Variants in CNTN5 observed in about 807,000 individuals in gnomAD.
CNTN5 encodes the protein contactin-5.
Under a neutral mutation model 129.1 loss-of-function variants are expected in CNTN5, and 77 were observed. That is an observed-to-expected ratio of 0.60 (90% CI 0.50 to 0.72). The LOEUF (loss-of-function observed/expected upper bound fraction) is 0.72, where lower values mean the gene tolerates loss of function less well. Among genes scored for constraint, CNTN5 ranks in the 30% least tolerant of loss-of-function variants. The pLI is 0.00. For synonymous variants in CNTN5, 509 were observed against 465.6 expected (o/e 1.09, Z -1.20); for missense variants, 1,478 against 1,328.8 (o/e 1.11, Z -1.75).
intron 2 of CNTN5, among the ~76,000 whole-genome samples, chr11:99,439,483 G>A (rs1476276391): frequency 2.0e-5 from 3 of 151,816 alleles, no homozygotes; most frequent in Non-Finnish European, 1.5e-5. Flanking sequence ...TGAGGTGGCC[G>A]GATCACCTGA....
intron 12 of CNTN5, among the ~76,000 whole-genome samples, chr11:100,073,655 T>C (rs1944016441): frequency 6.6e-6 from 1 of 151,944 alleles, no homozygotes; most frequent in Non-Finnish European, 1.5e-5. Flanking sequence ...AATTCAATTT[T>C]AAAAATTAAT....
intron 2 of CNTN5, among the ~76,000 whole-genome samples, chr11:99,401,407 C>T (rs1941799560): frequency 6.6e-6 from 1 of 151,954 alleles, no homozygotes; most frequent in African/African-American, 2.4e-5. Context: ...TGGATTTGTT[C>T]ATGGGTTCTC....
intron 13 of CNTN5, among the ~76,000 whole-genome samples, chr11:100,176,208 C>T (rs770518994): frequency 6.7e-5 from 10 of 150,264 alleles, no homozygotes; most frequent in East Asian, 2.0e-4. Flanking sequence ...TTAGTAGAGA[C>T]GGGGTTTTAC....
intron 4 of CNTN5, among the ~76,000 whole-genome samples, chr11:99,821,783 G>C (rs138053381): frequency 6.6e-6 from 1 of 152,054 alleles, no homozygotes; most frequent in African/African-American, 2.4e-5. Flanking sequence ...CTTACAAAAA[G>C]CTCCCAGGTG....
At chr11:100,104,239 T>C (rs972511231) in intron 13 of CNTN5, among the ~76,000 whole-genome samples, 5 of 151,800 alleles carry the variant, frequency 3.3e-5, no homozygotes, top group Non-Finnish European at 5.9e-5. Context: ...GGATTACAGG[T>C]ACCCACCACC....
intron 1 of CNTN5, among the ~76,000 whole-genome samples, chr11:99,171,823 T>C (rs1158985549): frequency 6.6e-6 from 1 of 152,138 alleles, no homozygotes; most frequent in East Asian, 1.9e-4. Flanking sequence ...AATTACAATA[T>C]ATTGGCACTT....
rs767531127 is a variant in CNTN5 at position 100,358,451 on chromosome 11, A to G, written c.*2231A>G. 58 of 151,938 alleles carry G rather than the reference A, an allele frequency of 3.8e-4. No individual in the cohort carries two copies. Among genetic ancestry groups the G allele is most frequent in the Non-Finnish European group, 6.5e-4 (44 of 67,840 alleles). 9.4% of individuals were successfully genotyped at this position (151,938 alleles called of 1,614,324 possible). On this transcript the variant is annotated 3_prime_UTR_variant, in exon 25 of 25. Coordinates refer to ENST00000524871, the MANE Select transcript of CNTN5 (RefSeq NM_014361.4). Reference sequence around the variant, plus strand: ...ATACACAGAATATGTATTTTGCATCATAAACCTATTTAAAAAACAGGTTTT... The same window carrying G: ...ATACACAGAATATGTATTTTGCATCGTAAACCTATTTAAAAAACAGGTTTT...
intron 1 of CNTN5, among the ~76,000 whole-genome samples, chr11:99,125,500 C>A (rs1452367313): frequency 2.0e-5 from 3 of 152,076 alleles, no homozygotes; most frequent in African/African-American, 7.2e-5. Context: ...CAGGATCATA[C>A]TGAATGGGTA....
chr11:99,864,301 A>T (rs1428095245), intron 6 of CNTN5, among the ~76,000 whole-genome samples: 1 of 141,226 alleles, frequency 7.1e-6, no homozygotes, highest in Non-Finnish European at 1.6e-5. Context: ...ACTAACAGTA[A>T]TACTAACAGA....
At chr11:99,661,690 T>G (rs1952598577) in intron 3 of CNTN5, among the ~76,000 whole-genome samples, 1 of 152,080 alleles carries the variant, frequency 6.6e-6, no homozygotes, top group South Asian at 2.1e-4. Flanking sequence ...TACACACATA[T>G]ATACATATAC....
intron 21 of CNTN5, among the ~76,000 whole-genome samples, chr11:100,333,067 T>G (rs1287471452): frequency 6.6e-6 from 1 of 152,062 alleles, no homozygotes; most frequent in Non-Finnish European, 1.5e-5. Flanking sequence ...AACGGATAAA[T>G]GAATTCATCA....
intron 13 of CNTN5, among the ~76,000 whole-genome samples, chr11:100,100,723 G>A (rs1273228189): frequency 3.9e-5 from 6 of 152,078 alleles, no homozygotes; most frequent in African/African-American, 1.4e-4. Flanking sequence ...CGTATTACCT[G>A]TGTCATAGCT....
In CNTN5 at chr11:100,340,856, C is replaced by A. The variant is rs376873206; in HGVS notation, c.2917+207C>A. ...AAGGTTATCTTCCTGTGAAACAAGGCTAAGCGATTTTGACACAGAAGGGAG... is the reference window on the plus strand; with the variant it reads ...AAGGTTATCTTCCTGTGAAACAAGGATAAGCGATTTTGACACAGAAGGGAG... On this transcript the variant is annotated intron_variant, in intron 22 of 24. Transcript: ENST00000524871. Among the ~76,000 whole-genome samples the A allele has an allele frequency of 3.9e-5, 6 of 152,260 alleles. No homozygotes were observed. The East Asian group carries it at 7.7e-4, about 20-fold the overall frequency.
At chr11:100,049,339 A>G (rs571919315) in intron 9 of CNTN5, among the ~76,000 whole-genome samples, 25 of 152,234 alleles carry the variant, frequency 1.6e-4, no homozygotes, top group African/African-American at 6.0e-4. Context: ...TCATATCGCA[A>G]ACTTTAAAAT....
chr11:99,330,220 G>A (rs1459204108), intron 2 of CNTN5, among the ~76,000 whole-genome samples: 1 of 149,852 alleles, frequency 6.7e-6, no homozygotes, highest in Non-Finnish European at 1.5e-5. Context: ...AAAGGGAGAA[G>A]GAAGGGAAGG....
At chr11:100,056,001 A>T (rs1041351625) in intron 9 of CNTN5, among the ~76,000 whole-genome samples, 15 of 151,618 alleles carry the variant, frequency 9.9e-5, no homozygotes, top group Admixed American at 7.9e-4. Context: ...CTCATTCTGT[A>T]TATGAAGCTG....
chr11:99,395,763 C>G (rs563884596), intron 2 of CNTN5, among the ~76,000 whole-genome samples: 1 of 151,956 alleles, frequency 6.6e-6, no homozygotes, highest in Non-Finnish European at 1.5e-5. Flanking sequence ...CTGCATATGA[C>G]TAGTCAGTTA....
At chr11:99,495,874 G>A (rs937191359) in intron 2 of CNTN5, among the ~76,000 whole-genome samples, 1 of 152,186 alleles carries the variant, frequency 6.6e-6, no homozygotes, top group African/African-American at 2.4e-5. Context: ...ATATAATATG[G>A]TGACTGGGTT....
At chr11:99,290,242 G>T (rs1864113073) in intron 1 of CNTN5, among the ~76,000 whole-genome samples, 1 of 151,798 alleles carries the variant, frequency 6.6e-6, no homozygotes, top group Non-Finnish European at 1.5e-5. Flanking sequence ...AAAAGTAGAA[G>T]ATATGGAAGC....
Sources: allele counts gnomAD v4.1 joint callset (sites outside exome capture counted in the v4.1 genomes callset), GRCh38; gene constraint gnomAD v4.1.1; transcripts MANE v1.5; gene names NCBI Gene and HGNC (gene_info 2026-07-23, HGNC 2026-07-21).